Variants in ANKIB1 observed in about 807,000 individuals in gnomAD.
ANKIB1 encodes ankyrin repeat and IBR domain containing 1, also known as ankyrin repeat and IBR domain-containing protein 1.
In ANKIB1, 43 loss-of-function variants were observed where a neutral mutation model predicts 122.1. That is an observed-to-expected ratio of 0.35 (90% confidence interval 0.28 to 0.45). The LOEUF is 0.45. Among genes scored for constraint, ANKIB1 ranks in the 20% least tolerant of loss-of-function variants. The pLI, the probability that ANKIB1 is intolerant of heterozygous loss-of-function variation, is 1.00. For missense variants in ANKIB1, 992 were observed against 1,329.5 expected (o/e 0.75, Z 3.95); for synonymous variants, 390 against 442.0 (o/e 0.88, Z 1.48).
chr7:92,310,537 C>T (rs1207413601), intron 3 of ANKIB1, among the ~76,000 whole-genome samples: 1 of 152,096 alleles, frequency 6.6e-6, no homozygotes, highest in Non-Finnish European at 1.5e-5. Flanking sequence ...TCTCCAGAAG[C>T]CTTATTTTGT....
At chr7:92,257,792 C>A (rs981537786) in intron 1 of ANKIB1, among the ~76,000 whole-genome samples, 2 of 151,648 alleles carry the variant, frequency 1.3e-5, no homozygotes, top group African/African-American at 4.8e-5. Context: ...AACTCTGTCT[C>A]AAAAAAAATA....
chr7:92,385,846 C>T (rs1235528599), intron 11 of ANKIB1, among the ~76,000 whole-genome samples: 3 of 151,912 alleles, frequency 2.0e-5, no homozygotes, highest in Admixed American at 6.6e-5. Context: ...AAGCCTGCAC[C>T]TTGTGCACAT....
At chr7:92,352,346 C>G in intron 8 of ANKIB1, 130 bp from the exon 9 acceptor site, 1 of 950,168 alleles carries the variant, frequency 1.1e-6, no homozygotes, top group African/African-American at 1.7e-5. Flanking sequence ...TTGAGACTGA[C>G]AACTCCATGC....
chr7:92,266,826 A>G (rs1001688926), intron 1 of ANKIB1, among the ~76,000 whole-genome samples: 6 of 152,248 alleles, frequency 3.9e-5, no homozygotes, highest in African/African-American at 1.4e-4. Context: ...GAAACAGAGC[A>G]AAACCAGGAA....
At chr7:92,391,102 C>T (rs1444205106) in intron 15 of ANKIB1, 64 bp from the exon 16 acceptor site, 4 of 1,389,738 alleles carry the variant, frequency 2.9e-6, no homozygotes, top group African/African-American at 2.9e-5. Context: ...CCACATAGAC[C>T]CTGGATTTGC....
chr7:92,264,481 T>C (rs1046691340), intron 1 of ANKIB1, among the ~76,000 whole-genome samples: 1 of 152,088 alleles, frequency 6.6e-6, no homozygotes, highest in African/African-American at 2.4e-5. Flanking sequence ...CACCACAACC[T>C]CCGCCTCCCA....
At chr7:92,324,652 G>C (rs1393078108) in intron 4 of ANKIB1, among the ~76,000 whole-genome samples, 1 of 152,174 alleles carries the variant, frequency 6.6e-6, no homozygotes, top group African/African-American at 2.4e-5. Context: ...ATGGCCTGCT[G>C]TGTGATTATA....
chr7:92,385,196 G>A (rs1804608184), intron 11 of ANKIB1, among the ~76,000 whole-genome samples: 1 of 152,180 alleles, frequency 6.6e-6, no homozygotes, highest in Non-Finnish European at 1.5e-5. Context: ...TCTCACACCA[G>A]TTAGAATGGC....
intron 2 of ANKIB1, among the ~76,000 whole-genome samples, chr7:92,300,769 T>C (rs1284900583): frequency 6.6e-6 from 1 of 152,154 alleles, no homozygotes; most frequent in Non-Finnish European, 1.5e-5. Flanking sequence ...TTATTAACTA[T>C]AGTTACCATG....
At chr7:92,276,378 A>G (rs1379925184) in intron 1 of ANKIB1, among the ~76,000 whole-genome samples, 1 of 152,182 alleles carries the variant, frequency 6.6e-6, no homozygotes, top group Non-Finnish European at 1.5e-5. Context: ...CCCCATCTTT[A>G]TTTCTAAAAC....
chr7:92,392,273 T>C lies in ANKIB1; in HGVS notation c.2264T>C (p.Leu755Ser). Residue 755 changes from leucine to serine, a missense_variant, in exon 17 of 20, where the codon TTA (leucine) becomes TCA (serine). Around this residue, in one of 4 missense-constraint regions of ANKIB1, gnomAD observed 384 missense variants for 412.0 expected, o/e 0.93. Coordinates refer to ENST00000265742, the MANE Select transcript of ANKIB1 (RefSeq NM_019004.2). The stretch of plus-strand genomic sequence containing the variant: ...GGTGGAACATGGGATTGGGAATATT[T>C]AGGATTTGCATCACCAGAGGTAATT... ...FAGGTWDWEY[L>S]GFASPEEYAE... 1 of 1,610,942 alleles carries C rather than the reference T, an allele frequency of 6.2e-7. No homozygotes were observed. Among genetic ancestry groups the C allele is most frequent in the Non-Finnish European group, 8.5e-7 (1 of 1,178,266 alleles).
At chr7:92,361,055 C>A (rs1803933179) in intron 9 of ANKIB1, among the ~76,000 whole-genome samples, 2 of 152,072 alleles carry the variant, frequency 1.3e-5, no homozygotes, top group South Asian at 2.1e-4. Context: ...TAAATAAAAT[C>A]TTTTAAAATA....
intron 4 of ANKIB1, among the ~76,000 whole-genome samples, chr7:92,325,006 A>G (rs531689152): frequency 6.6e-6 from 1 of 152,338 alleles, no homozygotes; most frequent in East Asian, 1.9e-4. Context: ...ACTGCTATAA[A>G]GAGATTTCTT....
chr7:92,297,986 A>G (rs1293164139), intron 2 of ANKIB1, among the ~76,000 whole-genome samples: 1 of 151,996 alleles, frequency 6.6e-6, no homozygotes, highest in East Asian at 1.9e-4. Flanking sequence ...CTCTTCTCTA[A>G]TTACCTGTCC....
intron 3 of ANKIB1, among the ~76,000 whole-genome samples, chr7:92,311,070 TTC>T (rs1322448753): frequency 6.6e-6 from 1 of 152,188 alleles, no homozygotes; most frequent in Non-Finnish European, 1.5e-5. Flanking sequence ...TTCTAAACAT[TTC>T]TTTGTATCAT....
intron 5 of ANKIB1, among the ~76,000 whole-genome samples, chr7:92,335,441 AAAGACTAGTT>A (rs1803267654): frequency 6.6e-6 from 1 of 152,008 alleles, no homozygotes; most frequent in Non-Finnish European, 1.5e-5. Flanking sequence ...AATAAAAATT[AAAGACTAGTT>A]CCATCAGTTG....
chr7:92,304,298 CTCTT>C (rs943105810), intron 2 of ANKIB1, among the ~76,000 whole-genome samples: 36 of 152,196 alleles, frequency 2.4e-4, no homozygotes, highest in African/African-American at 7.7e-4. Context: ...TAATTTGAGA[CTCTT>C]TCTTGAATAA....
At chr7:92,395,248 G>C (rs1270412933) in intron 17 of ANKIB1, among the ~76,000 whole-genome samples, 1 of 152,118 alleles carries the variant, frequency 6.6e-6, no homozygotes, top group Non-Finnish European at 1.5e-5. Context: ...AATAGGCTGA[G>C]GACATCTGCC....
chr7:92,332,436 A>G (rs1803191242), intron 5 of ANKIB1, among the ~76,000 whole-genome samples: 1 of 152,188 alleles, frequency 6.6e-6, no homozygotes, highest in Non-Finnish European at 1.5e-5. Context: ...TCCCAAGGTA[A>G]TGAAGTTGAT....
Sources: gnomAD v4.1 joint callset for allele counts (sites outside exome capture counted in the v4.1 genomes callset) on GRCh38, gnomAD v4.1.1 for gene constraint, gnomAD v4.1.1 regional missense constraint, MANE v1.5 for transcripts, NCBI Gene and HGNC (gene_info 2026-07-23, HGNC 2026-07-21) for gene names.